SMOX: variants seen among roughly 807,000 people sequenced by gnomAD.
The protein encoded by SMOX is spermine oxidase.
In SMOX, 22 loss-of-function variants were observed where a neutral mutation model predicts 51.0. The ratio of observed to expected loss-of-function variants is 0.43; its 90% CI spans 0.31 to 0.62. The LOEUF is 0.62. Ranked by LOEUF, SMOX falls within the 20% of genes least tolerant of loss-of-function variation. SMOX has a pLI of 0.10. For synonymous variants in SMOX, 282 were observed against 307.8 expected, an observed-to-expected ratio of 0.92 and a Z score of 0.88; for missense variants, 566 against 777.7, an observed-to-expected ratio of 0.73 and a Z score of 3.24.
intron 3 of SMOX, among the ~76,000 whole-genome samples, chr20:4,178,770 G>A (rs924931719): frequency 6.7e-6 from 1 of 150,162 alleles, no homozygotes; most frequent in African/African-American, 2.5e-5. Context: ...CGCAACCTCC[G>A]CCTCCCAGGT....
intron 2 of SMOX, among the ~76,000 whole-genome samples, chr20:4,176,598 G>A (rs1234450230): frequency 1.3e-5 from 2 of 152,144 alleles, no homozygotes; most frequent in African/African-American, 4.8e-5. Context: ...GGGATGGGGA[G>A]GAATGGGAGA....
rs538561322 is a variant in SMOX, at chr20:4,181,612, G to A, written c.436-191G>A. 1.3e-5 allele frequency among the ~76,000 whole-genome samples: 2 copies of A among 152,328 alleles called. No individual in the cohort carries two copies. Among genetic ancestry groups the A allele is most frequent in the East Asian group, 1.9e-4 (1 of 5,164 alleles). ...CCCACCTCCCCGACAGGCCGGAGGC[G>A]AGGAGGTGGCTGCCCGGGGCCTTGG... On this transcript the variant is annotated intron_variant, in intron 3 of 6. Transcript: ENST00000305958. This position sits in a 1 kb window ranked among gnomAD's most constrained non-coding sequence, Gnocchi z 5.6.
At chr20:4,169,167 C>A (rs1986713653) in intron 1 of SMOX, among the ~76,000 whole-genome samples, 1 of 151,914 alleles carries the variant, frequency 6.6e-6, no homozygotes, top group East Asian at 1.9e-4. Flanking sequence ...AATATGTTTG[C>A]AATTTTTAAT....
In SMOX at chr20:4,183,684, A is replaced by G. The variant is rs1979524390; in HGVS notation, c.1530+30A>G. ...GCGGGGCGTTTGGGGTGAGGAGGGGAGTTGTGGGTGTATTTTGTATGTGTG... is the reference window on the plus strand; with the variant it reads ...GCGGGGCGTTTGGGGTGAGGAGGGGGGTTGTGGGTGTATTTTGTATGTGTG... On this transcript the variant is annotated intron_variant, in intron 6 of 6. Coordinates refer to ENST00000305958, the MANE Select transcript of SMOX (RefSeq NM_175839.3). The surrounding 1 kb of genome is among the most constrained non-coding windows in gnomAD (Gnocchi z 4.3). 6.5e-7 allele frequency: 1 copy of G among 1,539,090 alleles called. No homozygotes were observed. Among genetic ancestry groups the G allele is most frequent in the East Asian group, 2.3e-5 (1 of 44,376 alleles).
At chr20:4,158,112 G>A (rs563295363) in intron 1 of SMOX, among the ~76,000 whole-genome samples, 1 of 150,456 alleles carries the variant, frequency 6.6e-6, no homozygotes, top group East Asian at 2.0e-4. Context: ...TTGTTAGCCA[G>A]GATGGTCTCG....
chr20:4,169,849 G>T (rs571366490), intron 1 of SMOX, among the ~76,000 whole-genome samples: 1 of 152,240 alleles, frequency 6.6e-6, no homozygotes, highest in Admixed American at 6.5e-5. Flanking sequence ...ATGTGTATGC[G>T]GGAGGCTGTT....
At position 4,159,455 on chromosome 20, in the gene SMOX, T is replaced by C. The variant is rs150536800; in HGVS notation, c.-27+10478T>C. 1.4e-4 allele frequency among the ~76,000 whole-genome samples: 22 copies of C among 152,322 alleles called. No homozygotes were observed. The East Asian group carries it at 4.2e-3, about 29-fold the overall frequency. On this transcript the variant is annotated intron_variant, in intron 1 of 6. Coordinates refer to ENST00000305958, the MANE Select transcript of SMOX (RefSeq NM_175839.3). ...AAAAAGAGCAAGGCCTGAGGCTTAA[T>C]ATATTACTAAGTAAAATTTAGAGGC...
In SMOX at chr20:4,177,629, G is replaced by T; in HGVS notation, c.435+52G>T. On this transcript the variant is annotated intron_variant, in intron 3 of 6. Transcript: ENST00000305958. This position sits in a 1 kb window ranked among gnomAD's most constrained non-coding sequence, Gnocchi z 4.3. Reference sequence around the variant, plus strand: ...GTAAGGGCATGGGGAGACCTGGGAGGTCTGTGATTCTGGTCGTGTCTCTGC... The same window carrying T: ...GTAAGGGCATGGGGAGACCTGGGAGTTCTGTGATTCTGGTCGTGTCTCTGC... 6.6e-7 allele frequency: 1 copy of T among 1,520,228 alleles called. No homozygotes were observed. The allele number at this position is 1,520,228 out of a possible 1,614,324, so 94.2% of individuals were successfully genotyped here.
chr20:4,163,090 G>A (rs1054854894), intron 1 of SMOX, among the ~76,000 whole-genome samples: 17 of 152,132 alleles, frequency 1.1e-4, no homozygotes, highest in African/African-American at 4.1e-4. Flanking sequence ...CCTTGTGGCT[G>A]TCTCTGCCTC....
chr20:4,158,115 T>C (rs530834827), intron 1 of SMOX, among the ~76,000 whole-genome samples: 30 of 150,426 alleles, frequency 2.0e-4, no homozygotes, highest in African/African-American at 6.1e-4. Context: ...TTAGCCAGGA[T>C]GGTCTCGATC....
At chr20:4,155,993 T>TG (rs1986004589) in intron 1 of SMOX, among the ~76,000 whole-genome samples, 1 of 152,160 alleles carries the variant, frequency 6.6e-6, no homozygotes, top group South Asian at 2.1e-4. Flanking sequence ...CTTTGATCCC[T>TG]GCCCCTGGGC....
intron 1 of SMOX, among the ~76,000 whole-genome samples, chr20:4,157,302 G>C (rs1986061542): frequency 6.6e-6 from 1 of 152,170 alleles, no homozygotes; most frequent in Admixed American, 6.5e-5. Context: ...GGCTGGAGGA[G>C]GGACCCTGGG....
rs189685601 is a variant in SMOX at position 4,181,992 on chromosome 20, C to T, written c.609+16C>T. On this transcript the variant is annotated intron_variant, in intron 4 of 6. Transcript: ENST00000305958. This position sits in a 1 kb window ranked among gnomAD's most constrained non-coding sequence, Gnocchi z 5.6. ...GTACCTGAAGGTATCTTGAGGAAGACGGATTCTGGGGGCGTCTGGGTCTGA... is the reference window on the plus strand; with the variant it reads ...GTACCTGAAGGTATCTTGAGGAAGATGGATTCTGGGGGCGTCTGGGTCTGA... 91 of 1,612,758 alleles carry T rather than the reference C, an allele frequency of 5.6e-5. No individual in the cohort carries two copies. In the East Asian group the frequency reaches 1.2e-3, roughly 21 times the overall value.
chr20:4,182,022 G>A lies in SMOX; in HGVS notation c.609+46G>A. The A allele has an allele frequency of 6.2e-7, 1 of 1,604,600 alleles. No homozygotes were observed. ...TCTGGGGGCGTCTGGGTCTGAGGAG[G>A]GCTACGCTGCTCCTACCCCTGCCCA... On this transcript the variant is annotated intron_variant, in intron 4 of 6. Coordinates refer to ENST00000305958, the MANE Select transcript of SMOX (RefSeq NM_175839.3). The surrounding 1 kb of genome is among the most constrained non-coding windows in gnomAD (Gnocchi z 8.4).
At position 4,183,522 on chromosome 20, in the gene SMOX, A is replaced by G. The variant is rs1979506956; in HGVS notation, c.1398A>G (p.Arg466=). ...TGNPNIPKPR[R]ILRSAWGSNP... Reference sequence around the variant, plus strand: ...ACCCCAACATTCCAAAACCTCGGCGAATCTTGCGCTCGGCCTGGGGCAGCA... The same window carrying G: ...ACCCCAACATTCCAAAACCTCGGCGGATCTTGCGCTCGGCCTGGGGCAGCA... The change falls in exon 6 of 7, where the codon CGA becomes CGG. Residue 466 remains arginine (R), a synonymous_variant. Coordinates refer to ENST00000305958, the MANE Select transcript of SMOX (RefSeq NM_175839.3). The surrounding 1 kb of genome is among the most constrained non-coding windows in gnomAD (Gnocchi z 4.3). 1.2e-6 allele frequency: 2 copies of G among 1,614,200 alleles called. No homozygotes were observed. The highest frequency in any genetic ancestry group is 1.7e-6 in the Non-Finnish European group (2 of 1,180,032).
chr20:4,174,797 C>G (rs911877838), intron 1 of SMOX, among the ~76,000 whole-genome samples: 1 of 152,182 alleles, frequency 6.6e-6, no homozygotes, highest in Non-Finnish European at 1.5e-5. Flanking sequence ...CTTCCCTTCC[C>G]TTTCTTCCTT....
At chr20:4,164,655 C>T (rs1456164483) in intron 1 of SMOX, among the ~76,000 whole-genome samples, 1 of 152,142 alleles carries the variant, frequency 6.6e-6, no homozygotes, top group Non-Finnish European at 1.5e-5. Context: ...GTGTCTCTTC[C>T]TGGGGTTCGC....
chr20:4,183,415 G>T lies in SMOX; in HGVS notation c.1370-79G>T. The T allele has an allele frequency of 6.2e-7, 1 of 1,605,250 alleles. No individual in the cohort carries two copies. The highest frequency in any genetic ancestry group is 8.5e-7 in the Non-Finnish European group (1 of 1,173,526). On this transcript the variant is annotated intron_variant, in intron 5 of 6. Transcript: ENST00000305958. This position sits in a 1 kb window ranked among gnomAD's most constrained non-coding sequence, Gnocchi z 4.3. ...CCGGAGCCCTGGAGGTGGGGTGGGG[G>T]GTTGTCCCTTTGGGGTCATCTTCCA...
At chr20:4,160,354 T>G (rs1986247763) in intron 1 of SMOX, among the ~76,000 whole-genome samples, 1 of 152,008 alleles carries the variant, frequency 6.6e-6, no homozygotes, top group South Asian at 2.1e-4. Context: ...GGAGAATCGT[T>G]GAGCCAGGGC....
Sources: gnomAD v4.1 joint callset for allele counts (sites outside exome capture counted in the v4.1 genomes callset) on GRCh38, gnomAD v4.1.1 for gene constraint, Gnocchi (gnomAD v3.1) non-coding constraint, MANE v1.5 for transcripts, NCBI Gene and HGNC (gene_info 2026-07-23, HGNC 2026-07-21) for gene names.